CCDC127: variants seen among roughly 807,000 people sequenced by gnomAD.
CCDC127 encodes coiled-coil domain containing 127.
CCDC127 carries 2 observed loss-of-function variants against 4.1 expected under a neutral mutation model. The observed-to-expected ratio is 0.49, with a 90% confidence interval of 0.20 to 1.53. The LOEUF is 1.53. Ranked by LOEUF, CCDC127 falls within the 40% of genes most tolerant of loss-of-function variation. The pLI is 0.23. For missense variants in CCDC127, 271 were observed against 322.9 expected (o/e 0.84, Z 1.23); for synonymous variants, 98 against 120.4 (o/e 0.81, Z 1.22).
At chr5:210,163 G>A (rs1280404295) in intron 2 of CCDC127, among the ~76,000 whole-genome samples, 2 of 152,196 alleles carry the variant, frequency 1.3e-5, no homozygotes, top group African/African-American at 2.4e-5. Context: ...TAACTCAAAT[G>A]GGTAAGGGCT....
At chr5:214,406 G>C (rs1419151358) in intron 2 of CCDC127, 7 of 152,162 alleles carry the variant, frequency 4.6e-5, no homozygotes, top group Admixed American at 1.3e-4. Context: ...AAACTGAGTT[G>C]GGCCCAGTGA....
At chr5:214,514 T>C (rs1248574310) in intron 2 of CCDC127, 1 of 151,202 alleles carries the variant, frequency 6.6e-6, no homozygotes. Flanking sequence ...CACGGAGAGA[T>C]GGGAAAAGCA....
chr5:205,357 C>T lies in CCDC127; in HGVS notation c.723G>A (p.Trp241Ter), dbSNP rs1207488307. Residue 241 changes from tryptophan (W) to a stop codon, truncating the protein, a stop_gained, in exon 3 of 3, where the codon TGG becomes TGA. Transcript: ENST00000296824. LOFTEE classifies it high-confidence loss of function. ...ACTTCTTCAGTTCGACAACGAGTTC[C>T]CAGTATTTGAGATAGAGCCACATGA... ...GRLMWLYLKY[W>*]ELVVELKKFK... 2 of 1,614,082 alleles carry T rather than the reference C, an allele frequency of 1.2e-6. No homozygotes were observed. Among genetic ancestry groups the T allele is most frequent in the Admixed American group, 3.3e-5 (2 of 60,016 alleles).
At chr5:206,214 T>TACCACTGCTTTTCTTCTCCTCACAAACCC (rs55724590) in intron 2 of CCDC127, among the ~76,000 whole-genome samples, 1 of 151,748 alleles carries the variant, frequency 6.6e-6, no homozygotes, top group African/African-American at 2.4e-5. Flanking sequence ...TAAGAAGATC[T>TACCACTGCTTTTCTTCTCCTCACAAACCC]ACCACCATTT....
chr5:214,280 G>A (rs558885160), intron 2 of CCDC127: 5 of 152,270 alleles, frequency 3.3e-5, no homozygotes, highest in African/African-American at 1.2e-4. Flanking sequence ...CTGCACTATC[G>A]TTTTGCAGAT....
chr5:207,412 G>A (rs1212885530), intron 2 of CCDC127, among the ~76,000 whole-genome samples: 2 of 152,184 alleles, frequency 1.3e-5, no homozygotes, highest in East Asian at 1.9e-4. Context: ...AGCACTGAGG[G>A]GTTTGCAAAG....
rs1422028781 is a variant in CCDC127, at chr5:197,009, A to G, written c.*8288T>C. The G allele has an allele frequency of 2.7e-5, 4 of 150,768 alleles. No individual in the cohort carries two copies. Among genetic ancestry groups the G allele is most frequent in the Admixed American group, 2.0e-4 (3 of 15,204 alleles). The allele number at this position is 150,768 out of a possible 1,614,324, so 9.3% of individuals were successfully genotyped here. ...AGGAATGTAGTAGGAGAGCAGGGTG[A>G]TAATAAGGAGGAGGTCAGCAAAAAC... On this transcript the variant is annotated 3_prime_UTR_variant, in exon 3 of 3. Transcript: ENST00000296824.
In CCDC127 at chr5:198,611, T is replaced by C. The variant is rs1379013337; in HGVS notation, c.*6686A>G. ...GGGGCTTCCCAAGAACAGCCCATTC[T>C]GATAAGGCCAGCAGAGGCTGGGGAC... On this transcript the variant is annotated 3_prime_UTR_variant, in exon 3 of 3. Transcript: ENST00000296824. The C allele has an allele frequency of 6.6e-6, 1 of 152,360 alleles. No homozygotes were observed. Among genetic ancestry groups the C allele is most frequent in the Non-Finnish European group, 1.5e-5 (1 of 68,124 alleles). The allele number at this position is 152,360 out of a possible 1,614,324, so 9.4% of individuals were successfully genotyped here. A position where few individuals can be genotyped will look rare whatever the true frequency, so the allele number is the denominator to read the frequency against.
intron 2 of CCDC127, 71 bp downstream of exon 2, chr5:216,658 T>C: frequency 3.1e-6 from 5 of 1,604,834 alleles, no homozygotes; most frequent in Non-Finnish European, 3.4e-6. Flanking sequence ...TCCCACACCA[T>C]GCTGCCTCCC....
chr5:206,981 T>C (rs1441815232), intron 2 of CCDC127, among the ~76,000 whole-genome samples: 1 of 152,152 alleles, frequency 6.6e-6, no homozygotes, highest in Admixed American at 6.5e-5. Flanking sequence ...TGCAGCCCCT[T>C]CTAGAACCAC....
At position 204,556 on chromosome 5, in the gene CCDC127, A is replaced by G. The variant is rs1451542665; in HGVS notation, c.*741T>C. 5.9e-5 allele frequency: 9 copies of G among 152,392 alleles called. No homozygotes were observed. The East Asian group carries it at 1.7e-3, about 29-fold the overall frequency. The allele number at this position is 152,392 out of a possible 1,614,324, so 9.4% of individuals were successfully genotyped here. On this transcript the variant is annotated 3_prime_UTR_variant, in exon 3 of 3. Coordinates refer to ENST00000296824, the MANE Select transcript of CCDC127 (RefSeq NM_145265.3). Reference sequence around the variant, plus strand: ...ATGGCAAGTATTTTGAGTATATATCATTGCTAATAAGTATCTGCTTGCTGA... The same window carrying G: ...ATGGCAAGTATTTTGAGTATATATCGTTGCTAATAAGTATCTGCTTGCTGA...
rs999684781 is a variant in CCDC127 at position 199,771 on chromosome 5, G to C, written c.*5526C>G. On this transcript the variant is annotated 3_prime_UTR_variant, in exon 3 of 3. Coordinates refer to ENST00000296824, the MANE Select transcript of CCDC127 (RefSeq NM_145265.3). ...AAGCTCTCCCAGCAGGGATGGGCTC[G>C]GTCTCAGTGTCCCTGCTGGAATATT... The C allele has an allele frequency of 1.3e-5, 2 of 152,242 alleles. No individual in the cohort carries two copies. The highest frequency in any genetic ancestry group is 2.9e-5 in the Non-Finnish European group (2 of 68,086). 9.4% of individuals were successfully genotyped at this position (152,242 alleles called of 1,614,324 possible). A position where few individuals can be genotyped will look rare whatever the true frequency, so the allele number is the denominator to read the frequency against.
At chr5:217,533 T>G (rs1293475768) in intron 1 of CCDC127, among the ~76,000 whole-genome samples, 1 of 152,130 alleles carries the variant, frequency 6.6e-6, no homozygotes, top group Admixed American at 6.5e-5. Flanking sequence ...CCGGACACTT[T>G]CATATGAGCT....
At position 197,036 on chromosome 5, in the gene CCDC127, T is replaced by C. The variant is rs1248261768; in HGVS notation, c.*8261A>G. On this transcript the variant is annotated 3_prime_UTR_variant, in exon 3 of 3. Transcript: ENST00000296824. The stretch of plus-strand genomic sequence containing the variant: ...AATAAGGAGGAGGTCAGCAAAAACG[T>C]GTGAGCAAAAGAATCTATGTCGTAA... 6 of 138,244 alleles carry C rather than the reference T, an allele frequency of 4.3e-5. No homozygotes were observed. Among genetic ancestry groups the C allele is most frequent in the African/African-American group, 6.9e-5 (2 of 28,956 alleles). The allele number at this position is 138,244 out of a possible 1,614,324, so 8.6% of individuals were successfully genotyped here. A position where few individuals can be genotyped will look rare whatever the true frequency, so the allele number is the denominator to read the frequency against.
intron 1 of CCDC127, 66 bp downstream of exon 1, chr5:218,027 A>G: frequency 1.0e-6 from 1 of 963,374 alleles, no homozygotes; most frequent in Non-Finnish European, 1.3e-6. Context: ...GCGATCCCGG[A>G]GAACCACCCA....
At position 218,119 on chromosome 5, in the gene CCDC127, C is replaced by A; in HGVS notation, c.-37G>T. ...TCGGTCGGGGAGCGCGGGACCTCAG[C>A]GTTCCCTTAACGCCACCGTCCGCGG... On this transcript the variant is annotated 5_prime_UTR_variant, in exon 1 of 3. Transcript: ENST00000296824. 8.2e-7 allele frequency: 1 copy of A among 1,224,876 alleles called. No homozygotes were observed. Among genetic ancestry groups the A allele is most frequent in the Middle Eastern group, 3.2e-4 (1 of 3,100 alleles). 75.9% of individuals were successfully genotyped at this position (1,224,876 alleles called of 1,614,324 possible).
In CCDC127 at chr5:200,876, G is replaced by A. The variant is rs542246843; in HGVS notation, c.*4421C>T. 1.5e-4 allele frequency: 16 copies of A among 109,656 alleles called. No homozygotes were observed. The highest frequency in any genetic ancestry group is 2.8e-4 in the African/African-American group (8 of 28,984). The allele number at this position is 109,656 out of a possible 1,614,324, so 6.8% of individuals were successfully genotyped here. The stretch of plus-strand genomic sequence containing the variant: ...GCTGCCCCCATCACAGCCAGCCAGC[G>A]TCTACACAGCAGGCTGCCCCCATCA... On this transcript the variant is annotated 3_prime_UTR_variant, in exon 3 of 3. Transcript: ENST00000296824.
chr5:214,357 T>G (rs1449011651), intron 2 of CCDC127: 1 of 152,176 alleles, frequency 6.6e-6, no homozygotes, highest in Non-Finnish European at 1.5e-5. Context: ...CAACTGCATG[T>G]GATTTACATG....
chr5:206,301 A>G (rs748030472), intron 2 of CCDC127, among the ~76,000 whole-genome samples: 6 of 150,598 alleles, frequency 4.0e-5, no homozygotes, highest in Non-Finnish European at 8.9e-5. Context: ...CCAGGTTCTT[A>G]TAAAAGTTGT....
Sources: gnomAD v4.1 joint callset for allele counts (sites outside exome capture counted in the v4.1 genomes callset) on GRCh38, gnomAD v4.1.1 for gene constraint, MANE v1.5 for transcripts, NCBI Gene and HGNC (gene_info 2026-07-23, HGNC 2026-07-21) for gene names.